Variants in ACKR2 observed in about 807,000 individuals in gnomAD.
ACKR2 encodes the protein C-C chemokine receptor D6.
For synonymous variants in ACKR2, 207 were observed against 192.2 expected (o/e 1.08, Z -0.64); for missense variants, 457 against 477.3 (o/e 0.96, Z 0.40).
chr3:42,822,342 C>G (rs1202135226), intron 2 of ACKR2, among the ~76,000 whole-genome samples: 1 of 152,018 alleles, frequency 6.6e-6, no homozygotes, highest in Admixed American at 6.5e-5. Context: ...ATTTTTAAAA[C>G]CTTTCACATC....
chr3:42,838,894 CTGTT>C (rs1439592717), intron 2 of ACKR2, among the ~76,000 whole-genome samples: 1 of 152,206 alleles, frequency 6.6e-6, no homozygotes, highest in Admixed American at 6.5e-5. Context: ...CTTTGAAAAA[CTGTT>C]TGGTAGTATT....
chr3:42,862,099 G>T (rs948392860), intron 2 of ACKR2, among the ~76,000 whole-genome samples: 1 of 152,200 alleles, frequency 6.6e-6, no homozygotes, highest in African/African-American at 2.4e-5. Context: ...TGACATGATT[G>T]TATATTTAGA....
chr3:42,852,594 C>G lies in ACKR2; in HGVS notation c.-37-11872C>G, dbSNP rs1701173402. On this transcript the variant is annotated intron_variant, in intron 2 of 2. Coordinates refer to ENST00000422265, the MANE Select transcript of ACKR2 (RefSeq NM_001296.5). This position sits in a 1 kb window ranked among gnomAD's most constrained non-coding sequence, Gnocchi z 4.3. Reference sequence around the variant, plus strand: ...TCTCAGGAGAAGCAGACAGCTATGTCTAGCTGGAAGCTGCAAGGGGACTCC... The same window carrying G: ...TCTCAGGAGAAGCAGACAGCTATGTGTAGCTGGAAGCTGCAAGGGGACTCC... Among the ~76,000 whole-genome samples, 2 of 152,124 alleles carry G rather than the reference C, an allele frequency of 1.3e-5. No individual in the cohort carries two copies. Among genetic ancestry groups the G allele is most frequent in the South Asian group, 4.1e-4 (2 of 4,830 alleles).
chr3:42,837,224 T>G (rs1321144257), intron 2 of ACKR2, among the ~76,000 whole-genome samples: 1 of 151,872 alleles, frequency 6.6e-6, no homozygotes, highest in Non-Finnish European at 1.5e-5. Flanking sequence ...GCCTGAAGTT[T>G]TTTTTTTTGG....
intron 1 of ACKR2, among the ~76,000 whole-genome samples, chr3:42,812,434 A>T (rs1309538920): frequency 6.6e-6 from 1 of 152,232 alleles, no homozygotes; most frequent in Non-Finnish European, 1.5e-5. Context: ...TTAGGTATTA[A>T]AAGGGGCCTT....
At chr3:42,845,027 C>T (rs1031824873) in intron 2 of ACKR2, among the ~76,000 whole-genome samples, 1 of 152,146 alleles carries the variant, frequency 6.6e-6, no homozygotes, top group Non-Finnish European at 1.5e-5. Flanking sequence ...CATTTGATTG[C>T]TTCAGGCTAG....
At chr3:42,832,573 TG>T (rs2125609243) in intron 2 of ACKR2, among the ~76,000 whole-genome samples, 1 of 152,124 alleles carries the variant, frequency 6.6e-6, no homozygotes, top group East Asian at 1.9e-4. Context: ...TGCAAAAACC[TG>T]CACCAGTTCA....
chr3:42,859,216 C>G (rs1294454764), intron 2 of ACKR2, among the ~76,000 whole-genome samples: 1 of 152,112 alleles, frequency 6.6e-6, no homozygotes, highest in Admixed American at 6.5e-5. Flanking sequence ...CCCCAAGATA[C>G]ATAATTTTCA....
At chr3:42,833,811 A>G (rs1340028881) in intron 2 of ACKR2, among the ~76,000 whole-genome samples, 4 of 152,130 alleles carry the variant, frequency 2.6e-5, no homozygotes, top group African/African-American at 9.7e-5. Flanking sequence ...TAAACATATT[A>G]GTGATTATGT....
chr3:42,846,361 A>G (rs1439459265), intron 2 of ACKR2, among the ~76,000 whole-genome samples: 2 of 152,168 alleles, frequency 1.3e-5, no homozygotes, highest in African/African-American at 4.8e-5. Flanking sequence ...ATTTAAAAGA[A>G]AATAGTTCCC....
intron 2 of ACKR2, among the ~76,000 whole-genome samples, chr3:42,820,452 A>G (rs1324105264): frequency 1.3e-5 from 2 of 151,868 alleles, no homozygotes; most frequent in East Asian, 1.9e-4. Context: ...AATTAGCCAG[A>G]TGTGGTGGTG....
At chr3:42,833,575 C>T (rs1700954008) in intron 2 of ACKR2, among the ~76,000 whole-genome samples, 1 of 152,070 alleles carries the variant, frequency 6.6e-6, no homozygotes, top group Non-Finnish European at 1.5e-5. Flanking sequence ...GCTTGTACTT[C>T]TCAGTTCAGA....
intron 2 of ACKR2, among the ~76,000 whole-genome samples, chr3:42,838,200 C>T (rs1057389132): frequency 5.3e-5 from 8 of 152,076 alleles, no homozygotes; most frequent in African/African-American, 2.4e-5. Context: ...ACTTGGACTT[C>T]ACCAAAATTA....
At chr3:42,813,570 C>A (rs1700716034) in intron 1 of ACKR2, among the ~76,000 whole-genome samples, 1 of 152,144 alleles carries the variant, frequency 6.6e-6, no homozygotes, top group Non-Finnish European at 1.5e-5. Context: ...CTTGTGAGAA[C>A]TACTATAAGA....
intron 2 of ACKR2, among the ~76,000 whole-genome samples, chr3:42,831,006 A>G (rs1326104768): frequency 6.6e-6 from 1 of 152,016 alleles, no homozygotes. Flanking sequence ...CTGGGACTAT[A>G]ATTTTCTGAA....
intron 2 of ACKR2, among the ~76,000 whole-genome samples, chr3:42,860,524 C>T (rs1196864995): frequency 6.6e-6 from 1 of 152,180 alleles, no homozygotes; most frequent in Non-Finnish European, 1.5e-5. Context: ...ACAGAACTCT[C>T]CACCCTAAAT....
chr3:42,855,777 G>A (rs780802196), intron 2 of ACKR2, among the ~76,000 whole-genome samples: 20 of 152,198 alleles, frequency 1.3e-4, no homozygotes, highest in Admixed American at 1.1e-3. Context: ...TAAAGACCTC[G>A]AGTGGGAAGG....
intron 2 of ACKR2, among the ~76,000 whole-genome samples, chr3:42,837,264 T>C (rs1368705281): frequency 1.3e-5 from 2 of 151,998 alleles, no homozygotes; most frequent in Admixed American, 1.3e-4. Flanking sequence ...TCGCCTAGGC[T>C]GGAGTGTAGT....
chr3:42,859,853 G>T (rs2125623895), intron 2 of ACKR2, among the ~76,000 whole-genome samples: 1 of 152,062 alleles, frequency 6.6e-6, no homozygotes. Flanking sequence ...AACATGGAAA[G>T]AACAAACTGG....
Sources: allele counts gnomAD v4.1 joint callset (sites outside exome capture counted in the v4.1 genomes callset), GRCh38; gene constraint gnomAD v4.1.1; non-coding constraint Gnocchi (gnomAD v3.1); transcripts MANE v1.5; gene names NCBI Gene and HGNC (gene_info 2026-07-23, HGNC 2026-07-21).